The following SETBP1 variants were observed in gnomAD, a reference collection of about 807,000 sequenced individuals.
The protein encoded by SETBP1 is SET-binding protein.
Under a neutral mutation model 101.0 loss-of-function variants are expected in SETBP1, and 9 were observed. The observed-to-expected ratio is 0.09, with a 90% CI of 0.05 to 0.16. The LOEUF is 0.16. Ranked by LOEUF, SETBP1 falls within the 10% of genes least tolerant of loss-of-function variation. The pLI is 1.00. For synonymous variants in SETBP1, 818 were observed against 788.5 expected (o/e 1.04, Z -0.63); for missense variants, 1,858 against 2,033.8 (o/e 0.91, Z 1.66).
chr18:44,688,516 G>A (rs1045913654), intron 1 of SETBP1, among the ~76,000 whole-genome samples: 5 of 148,972 alleles, frequency 3.4e-5, no homozygotes, highest in Non-Finnish European at 5.9e-5. Context: ...GTACTGTCAC[G>A]ATCTCTGCTC....
chr18:44,950,261 G>A lies in SETBP1; in HGVS notation c.921G>A (p.Glu307=), dbSNP rs886053790. The A allele has an allele frequency of 3.1e-6, 5 of 1,614,046 alleles. No individual in the cohort carries two copies. The South Asian group carries it at 4.4e-5, about 14-fold the overall frequency. The change falls in exon 4 of 6, where the codon GAG becomes GAA. Residue 307 remains glutamate, a synonymous_variant. Transcript: ENST00000649279. Reference sequence around the variant, plus strand: ...CAGCCCCACCCAGCAGCTCTGCTGAGTGCAACGGGCTTCAGCCCTTGGTGG... The same window carrying A: ...CAGCCCCACCCAGCAGCTCTGCTGAATGCAACGGGCTTCAGCCCTTGGTGG... The part of the protein sequence containing the change: ...SSPAPPSSSA[E]CNGLQPLVDQ...
At chr18:44,926,196 G>A (rs1463208789) in intron 3 of SETBP1, among the ~76,000 whole-genome samples, 2 of 152,154 alleles carry the variant, frequency 1.3e-5, no homozygotes, top group South Asian at 2.1e-4. Context: ...GCTTCCAAAA[G>A]TGCTGAGATT....
chr18:44,975,334 A>G (rs2071962241), intron 4 of SETBP1, among the ~76,000 whole-genome samples: 1 of 152,252 alleles, frequency 6.6e-6, no homozygotes, highest in Non-Finnish European at 1.5e-5. Flanking sequence ...TAGAGATGGA[A>G]TTTAGGCTTC....
chr18:45,056,414 A>G (rs2073809322), intron 5 of SETBP1, among the ~76,000 whole-genome samples: 3 of 152,242 alleles, frequency 2.0e-5, no homozygotes, highest in Admixed American at 1.3e-4. Flanking sequence ...CAAGTGTGAC[A>G]GGTGACCTGT....
At chr18:44,813,177 A>G (rs1165106234) in intron 2 of SETBP1, among the ~76,000 whole-genome samples, 2 of 152,200 alleles carry the variant, frequency 1.3e-5, no homozygotes, top group African/African-American at 2.4e-5. Context: ...CTTAAACAAA[A>G]TTAAAGTTGA....
intron 4 of SETBP1, among the ~76,000 whole-genome samples, chr18:44,997,056 TGAG>T (rs1252814787): frequency 6.6e-6 from 1 of 152,110 alleles, no homozygotes; most frequent in African/African-American, 2.4e-5. Flanking sequence ...TAATCAGGGA[TGAG>T]GAGAACATCT....
chr18:45,029,789 G>A (rs60320326), intron 4 of SETBP1, among the ~76,000 whole-genome samples: 14,451 of 151,674 alleles, frequency 0.095, 992 homozygotes, highest in African/African-American at 0.19. Flanking sequence ...ACGGGAGTTC[G>A]CTCATGATTT....
At chr18:44,887,335 A>G (rs571700160) in intron 3 of SETBP1, among the ~76,000 whole-genome samples, 61 of 152,266 alleles carry the variant, frequency 4.0e-4, no homozygotes, top group African/African-American at 1.4e-3. Flanking sequence ...TTTGGAGGCC[A>G]TGAGTCATTC....
intron 2 of SETBP1, among the ~76,000 whole-genome samples, chr18:44,814,613 C>T (rs1361328117): frequency 1.3e-5 from 2 of 152,066 alleles, no homozygotes; most frequent in Admixed American, 1.3e-4. Context: ...TGATTAAAAC[C>T]CCACATGACA....
intron 2 of SETBP1, among the ~76,000 whole-genome samples, chr18:44,718,622 A>G (rs751334722): frequency 6.6e-6 from 1 of 152,156 alleles, no homozygotes; most frequent in African/African-American, 2.4e-5. Flanking sequence ...TTCTTCAGTA[A>G]CACTTTATTG....
chr18:44,862,400 G>A lies in SETBP1; in HGVS notation c.487-6830G>A, dbSNP rs146261733. 8.9e-4 allele frequency among the ~76,000 whole-genome samples: 136 copies of A among 152,282 alleles called. 1 individual carries two copies. Among genetic ancestry groups the A allele is most frequent in the East Asian group, 5.6e-3 (29 of 5,182 alleles). The stretch of plus-strand genomic sequence containing the variant: ...GGTTTAACCTTTAAAATTTCATGAG[G>A]CTGAGAGGATTTAGCAAAAGGACAC... On this transcript the variant is annotated intron_variant, in intron 2 of 5. Transcript: ENST00000649279.
intron 3 of SETBP1, among the ~76,000 whole-genome samples, chr18:44,892,953 T>C (rs1568203883): frequency 6.6e-6 from 1 of 152,180 alleles, no homozygotes; most frequent in Non-Finnish European, 1.5e-5. Flanking sequence ...GCTCCATGAC[T>C]TTAATAACAG....
At chr18:44,852,667 T>C (rs2072896560) in intron 2 of SETBP1, among the ~76,000 whole-genome samples, 1 of 152,192 alleles carries the variant, frequency 6.6e-6, no homozygotes, top group Non-Finnish European at 1.5e-5. Flanking sequence ...GAGGACCTTA[T>C]TTTCAGAAAT....
intron 2 of SETBP1, among the ~76,000 whole-genome samples, chr18:44,832,538 C>T (rs1301079336): frequency 6.6e-6 from 1 of 152,244 alleles, no homozygotes; most frequent in Non-Finnish European, 1.5e-5. Context: ...AGGATGCAAA[C>T]TAGTCATGGC....
chr18:44,706,591 CAAAAAAAAAAAAAAAAAAAAAA>C (rs1018470585), intron 2 of SETBP1, among the ~76,000 whole-genome samples: 2 of 16,966 alleles, frequency 1.2e-4, no homozygotes, highest in Non-Finnish European at 2.0e-4. Context: ...GACTCAATCT[CAAAAAAAAAAAAAAAAAAAAAA>C]AAAAAAAAAA....
At chr18:44,736,831 A>G (rs1325554741) in intron 2 of SETBP1, among the ~76,000 whole-genome samples, 1 of 152,184 alleles carries the variant, frequency 6.6e-6, no homozygotes. Flanking sequence ...GAAAAGAGGT[A>G]TTGCTGGAAA....
intron 2 of SETBP1, among the ~76,000 whole-genome samples, chr18:44,829,219 G>T (rs1045830828): frequency 6.6e-6 from 1 of 151,514 alleles, no homozygotes. Flanking sequence ...AGACGTTAAA[G>T]TGTTATTATA....
chr18:45,017,409 C>A (rs1474391757), intron 4 of SETBP1, among the ~76,000 whole-genome samples: 1 of 152,188 alleles, frequency 6.6e-6, no homozygotes, highest in African/African-American at 2.4e-5. Flanking sequence ...AAAATGATCA[C>A]TAAGACCCCC....
At chr18:44,814,062 G>A (rs547463672) in intron 2 of SETBP1, among the ~76,000 whole-genome samples, 9 of 152,232 alleles carry the variant, frequency 5.9e-5, no homozygotes, top group Middle Eastern at 3.4e-3. Flanking sequence ...GAGGACCCAG[G>A]CAAAAAATAA....
Sources: allele counts gnomAD v4.1 joint callset (sites outside exome capture counted in the v4.1 genomes callset), GRCh38; gene constraint gnomAD v4.1.1; transcripts MANE v1.5; gene names NCBI Gene and HGNC (gene_info 2026-07-23, HGNC 2026-07-21).